Variants in ZNF521 observed in about 807,000 individuals in gnomAD.
ZNF521 encodes the protein zinc finger protein 521, also known as LYST-interacting protein 3.
In ZNF521, 14 loss-of-function variants were observed where a neutral mutation model predicts 105.5. The observed-to-expected ratio is 0.13, with a 90% CI of 0.09 to 0.21. The LOEUF (loss-of-function observed/expected upper bound fraction) is 0.21, where lower values mean the gene tolerates loss of function less well. ZNF521 is among the 10% of genes least tolerant of loss of function. The pLI, the probability that ZNF521 is intolerant of heterozygous loss-of-function variation, is 1.00. For missense variants in ZNF521, 1,233 were observed against 1,629.7 expected, an observed-to-expected ratio of 0.76 and a Z score of 4.19; for synonymous variants, 635 against 606.0, an observed-to-expected ratio of 1.05 and a Z score of -0.70.
In ZNF521 at chr18:25,323,500, G is replaced by A. The variant is rs533256530; in HGVS notation, c.41-1313C>T. ...AGCAGAAGTGCAGTGGCTATTCATA[G>A]GCACTATCATAGCTCACTGCAGCCT... On this transcript the variant is annotated intron_variant, in intron 2 of 7. Transcript: ENST00000361524. Among the ~76,000 whole-genome samples the A allele has an allele frequency of 5.1e-3, 774 of 152,076 alleles. 10 individuals are homozygous for A. The highest frequency in any genetic ancestry group is 0.017 in the African/African-American group (724 of 41,486).
chr18:25,274,198 A>T (rs938531024), intron 3 of ZNF521, among the ~76,000 whole-genome samples: 6 of 152,320 alleles, frequency 3.9e-5, no homozygotes, highest in African/African-American at 1.4e-4. Flanking sequence ...CTTTGCTATT[A>T]AGGAATTTCC....
intron 3 of ZNF521, among the ~76,000 whole-genome samples, chr18:25,231,815 C>A (rs1381488069): frequency 7.2e-5 from 11 of 152,136 alleles, no homozygotes; most frequent in Admixed American, 7.2e-4. Flanking sequence ...AGGGACCAAG[C>A]CTTTCAGAAG....
intron 3 of ZNF521, among the ~76,000 whole-genome samples, chr18:25,231,888 T>C (rs148586043): frequency 3.9e-5 from 6 of 152,338 alleles, no homozygotes; most frequent in African/African-American, 1.4e-4. Context: ...AGAAAGTAGA[T>C]GAAAATACTT....
chr18:25,092,202 T>C, intron 5 of ZNF521, 121 bp from the exon 6 acceptor site: 2 of 1,084,372 alleles, frequency 1.8e-6, no homozygotes, highest in Non-Finnish European at 2.6e-6. Flanking sequence ...ATATGTAGTA[T>C]TATATATGGT....
chr18:25,285,628 C>G (rs1910654277), intron 3 of ZNF521, among the ~76,000 whole-genome samples: 1 of 152,164 alleles, frequency 6.6e-6, no homozygotes, highest in African/African-American at 2.4e-5. Flanking sequence ...CACCCCCTCA[C>G]ACGTACCTCT....
chr18:25,272,556 T>C (rs972089394), intron 3 of ZNF521, among the ~76,000 whole-genome samples: 8 of 152,116 alleles, frequency 5.3e-5, no homozygotes, highest in Non-Finnish European at 8.8e-5. Flanking sequence ...ATATGGCATA[T>C]ATACACCACG....
rs538076887 is a variant in ZNF521 at position 25,117,824 on chromosome 18, G to GT, written c.3659-25744dup. On this transcript the variant is annotated intron_variant, in intron 5 of 7. Coordinates refer to ENST00000361524, the MANE Select transcript of ZNF521 (RefSeq NM_015461.3). ...AGAAAGAAAACGGGAAAAAATAATAGTTTAAAAAATAATGGCAAAATGTCC... is the reference window on the plus strand; with the variant it reads ...AGAAAGAAAACGGGAAAAAATAATAGTTTTAAAAAATAATGGCAAAATGTCC... Among the ~76,000 whole-genome samples the GT allele has an allele frequency of 3.4e-3, 514 of 152,062 alleles. 3 individuals are homozygous for GT. Among genetic ancestry groups the GT allele is most frequent in the African/African-American group, 0.012 (492 of 41,530 alleles).
At chr18:25,288,071 AC>A (rs1910805064) in intron 3 of ZNF521, among the ~76,000 whole-genome samples, 1 of 151,896 alleles carries the variant, frequency 6.6e-6, no homozygotes, top group Non-Finnish European at 1.5e-5. Context: ...AGAGTTGTAA[AC>A]CTGATAGGTG....
At chr18:25,147,863 T>C (rs527923413) in intron 5 of ZNF521, among the ~76,000 whole-genome samples, 60 of 152,296 alleles carry the variant, frequency 3.9e-4, no homozygotes, top group African/African-American at 1.4e-3. Context: ...CTGATCTTTT[T>C]ATTGCTTTAT....
chr18:25,067,943 A>G (rs1049370859), intron 7 of ZNF521, among the ~76,000 whole-genome samples: 54 of 152,204 alleles, frequency 3.5e-4, no homozygotes, highest in African/African-American at 1.3e-3. Flanking sequence ...GATGTTAATC[A>G]TTTTTACCAT....
intron 3 of ZNF521, among the ~76,000 whole-genome samples, chr18:25,247,941 G>A (rs1038756206): frequency 6.6e-6 from 1 of 151,894 alleles, no homozygotes; most frequent in South Asian, 2.1e-4. Flanking sequence ...ATGAGGGAAG[G>A]AGAAATGCCT....
chr18:25,298,808 C>T (rs1194303336), intron 3 of ZNF521, among the ~76,000 whole-genome samples: 1 of 152,152 alleles, frequency 6.6e-6, no homozygotes, highest in Admixed American at 6.5e-5. Context: ...AAGCAATTCA[C>T]AGGTAGTAAC....
intron 5 of ZNF521, among the ~76,000 whole-genome samples, chr18:25,193,271 T>C (rs2035849190): frequency 6.6e-6 from 1 of 152,118 alleles, no homozygotes; most frequent in Non-Finnish European, 1.5e-5. Flanking sequence ...AAAAGTCCTG[T>C]TATGCTGAAC....
chr18:25,138,939 T>C (rs1190432119), intron 5 of ZNF521, among the ~76,000 whole-genome samples: 1 of 152,098 alleles, frequency 6.6e-6, no homozygotes, highest in Non-Finnish European at 1.5e-5. Context: ...AGTAAGGACA[T>C]TGTACAAGAT....
intron 5 of ZNF521, among the ~76,000 whole-genome samples, chr18:25,172,533 C>A (rs2035466573): frequency 6.6e-6 from 1 of 152,280 alleles, no homozygotes; most frequent in African/African-American, 2.4e-5. Context: ...TCCCACTTAG[C>A]TTTTCTTTCC....
At chr18:25,210,007 A>G (rs1023798914) in intron 4 of ZNF521, among the ~76,000 whole-genome samples, 1 of 152,196 alleles carries the variant, frequency 6.6e-6, no homozygotes, top group African/African-American at 2.4e-5. Flanking sequence ...AATAAGCTAT[A>G]GTTCTAGCAT....
chr18:25,170,330 A>G (rs749603424), intron 5 of ZNF521, among the ~76,000 whole-genome samples: 1 of 152,052 alleles, frequency 6.6e-6, no homozygotes, highest in Non-Finnish European at 1.5e-5. Context: ...CTCATTCCCT[A>G]TTCTGATTGG....
At chr18:25,145,693 G>C (rs992010316) in intron 5 of ZNF521, among the ~76,000 whole-genome samples, 1 of 152,020 alleles carries the variant, frequency 6.6e-6, no homozygotes, top group Admixed American at 6.6e-5. Flanking sequence ...AGAAGTACTT[G>C]GTTTAAGAGT....
intron 3 of ZNF521, among the ~76,000 whole-genome samples, chr18:25,307,684 T>C (rs954308756): frequency 1.3e-5 from 2 of 152,224 alleles, no homozygotes; most frequent in African/African-American, 2.4e-5. Context: ...CAGTAGAATA[T>C]GGCAGAAGTA....
Sources: gnomAD v4.1 joint callset for allele counts (sites outside exome capture counted in the v4.1 genomes callset) on GRCh38, gnomAD v4.1.1 for gene constraint, MANE v1.5 for transcripts, NCBI Gene and HGNC (gene_info 2026-07-23, HGNC 2026-07-21) for gene names.